TUT4: variants seen among roughly 807,000 people sequenced by gnomAD.
TUT4 encodes terminal uridylyl transferase 4.
In TUT4, 36 loss-of-function variants were observed where a neutral mutation model predicts 192.2. The ratio of observed to expected loss-of-function variants is 0.19; its 90% CI spans 0.14 to 0.25. The LOEUF is 0.25. Among genes scored for constraint, TUT4 ranks in the 10% least tolerant of loss-of-function variants. The pLI is 1.00. For missense variants in TUT4, 1,493 were observed against 1,957.2 expected (o/e 0.76, Z 4.47); for synonymous variants, 618 against 666.0 (o/e 0.93, Z 1.11).
rs145477444 is a variant in TUT4, at chr1:52,464,362, C to A, written c.3069+708G>T. Among the ~76,000 whole-genome samples the A allele has an allele frequency of 5.0e-3, 764 of 152,216 alleles. 8 individuals are homozygous for A. The highest frequency in any genetic ancestry group is 0.017 in the African/African-American group (707 of 41,532). ...CTCCGCCTCCTGGGTTCAAGCGATT[C>A]TCCTGCCTCAGCCTCCTGAGTAGCT... On this transcript the variant is annotated intron_variant, in intron 16 of 29. Coordinates refer to ENST00000257177, the MANE Select transcript of TUT4 (RefSeq NM_001009881.3).
intron 1 of TUT4, among the ~76,000 whole-genome samples, chr1:52,530,561 A>G (rs1324406870): frequency 6.6e-6 from 1 of 152,226 alleles, no homozygotes; most frequent in East Asian, 1.9e-4. Flanking sequence ...CTTTTCTTGT[A>G]AGAGTAGCCA....
chr1:52,481,775 G>A (rs1668533201), intron 10 of TUT4, 29 bp downstream of exon 10: 10 of 1,559,620 alleles, frequency 6.4e-6, no homozygotes, highest in Non-Finnish European at 8.6e-6. Flanking sequence ...ATATATATAT[G>A]CATATATATG....
chr1:52,431,233 G>T lies in TUT4; in HGVS notation c.4491C>A (p.His1497Gln), dbSNP rs1178264194. 1 of 1,614,212 alleles carries T rather than the reference G, an allele frequency of 6.2e-7. No individual in the cohort carries two copies. The highest frequency in any genetic ancestry group is 8.5e-7 in the Non-Finnish European group (1 of 1,180,042). ...AGGACGGGGCAGGGATCTGGAGAGG[G>T]TGCATTGGCAACAATCCCATATTGT... ...PMHNMGLLPM[H>Q]PLQIPAPSWP... The change falls in exon 28 of 30, where the codon CAC (histidine) becomes CAA (glutamine). Residue 1497 changes from histidine to glutamine, a missense_variant. Physicochemically the swap from His to Gln is conservative, Grantham distance 24. Around this residue, in one of 7 missense-constraint regions of TUT4, gnomAD observed 351 missense variants for 397.8 expected, o/e 0.88. Coordinates refer to ENST00000257177, the MANE Select transcript of TUT4 (RefSeq NM_001009881.3).
intron 13 of TUT4, among the ~76,000 whole-genome samples, chr1:52,472,577 AAATT>A (rs1213112773): frequency 6.6e-6 from 1 of 150,794 alleles, no homozygotes; most frequent in Non-Finnish European, 1.5e-5. Flanking sequence ...ATTTATTATT[AAATT>A]ATTTAATATT....
chr1:52,436,952 T>C lies in TUT4; in HGVS notation c.3965A>G (p.Lys1322Arg), dbSNP rs879636613. 1 of 1,613,860 alleles carries C rather than the reference T, an allele frequency of 6.2e-7. No homozygotes were observed. The highest frequency in any genetic ancestry group is 8.5e-7 in the Non-Finnish European group (1 of 1,179,980). ...CCCTTCCTTCTCTTCTTCACTGTCT[T>C]TCTTCTTTAGTCTAAACAGTAAACT... Reference protein sequence around the residue: ...KSSLLFRLKKKDSEEEKEGNE... With the variant: ...KSSLLFRLKKRDSEEEKEGNE... Residue 1322 changes from lysine (K) to arginine (R), a missense_variant, in exon 26 of 30, where the codon AAA becomes AGA. Around this residue, in one of 7 missense-constraint regions of TUT4, gnomAD observed 141 missense variants for 382.7 expected, o/e 0.37. Coordinates refer to ENST00000257177, the MANE Select transcript of TUT4 (RefSeq NM_001009881.3).
At chr1:52,470,815 C>T (rs563592376) in intron 14 of TUT4, among the ~76,000 whole-genome samples, 76 of 152,118 alleles carry the variant, frequency 5.0e-4, no homozygotes, top group South Asian at 4.4e-3. Context: ...TTTATCTTAC[C>T]TGGACACTGG....
rs770708436 is a variant in TUT4, at chr1:52,490,786, A to G, written c.1334T>C (p.Val445Ala). The part of the protein sequence containing the change: ...ILKKNVLYVD[V>A]ESDFHAKVPV... ...AACTTTAGCGTGAAAATCAGATTCC[A>G]CATCTACATATAATACTAATAAGGA... Residue 445 changes from valine to alanine, a missense_variant, in exon 8 of 30, where the codon GTG (valine) becomes GCG (alanine). This residue lies in a region of TUT4 where 437 missense variants were observed against 577.6 expected (regional missense o/e 0.76). Transcript: ENST00000257177. The G allele has an allele frequency of 1.2e-6, 2 of 1,612,372 alleles. No individual in the cohort carries two copies. The highest frequency in any genetic ancestry group is 2.2e-5 in the South Asian group (2 of 90,708).
chr1:52,531,601 T>A (rs1683436807), intron 1 of TUT4, among the ~76,000 whole-genome samples: 1 of 152,216 alleles, frequency 6.6e-6, no homozygotes, highest in Non-Finnish European at 1.5e-5. Context: ...ATGGATTTTT[T>A]TAAAGTAATC....
Position 52,445,942 on chromosome 1 carries a change from A to G in TUT4, c.3739+15T>C, listed in dbSNP as rs1301434552. On this transcript the variant is annotated intron_variant, in intron 23 of 29. Transcript: ENST00000257177. ...AGAGTTTTAAAATCAGAGAATCTCTATATTTAAAACTTACTTTTTCTGGAA... is the reference window on the plus strand; with the variant it reads ...AGAGTTTTAAAATCAGAGAATCTCTGTATTTAAAACTTACTTTTTCTGGAA... The G allele has an allele frequency of 1.9e-6, 3 of 1,605,868 alleles. No individual in the cohort carries two copies. The highest frequency in any genetic ancestry group is 1.3e-5 in the African/African-American group (1 of 74,406).
At chr1:52,529,496 T>C (rs935621028) in intron 1 of TUT4, among the ~76,000 whole-genome samples, 1 of 152,202 alleles carries the variant, frequency 6.6e-6, no homozygotes, top group African/African-American at 2.4e-5. Flanking sequence ...ATGAGTTATA[T>C]TTCTAAAAGA....
At chr1:52,481,295 T>C (rs1668419168) in intron 11 of TUT4, 128 bp downstream of exon 11, 1 of 940,276 alleles carries the variant, frequency 1.1e-6, no homozygotes, top group Admixed American at 2.5e-5. Context: ...CCTCACTTTA[T>C]AGATGAGGAA....
intron 1 of TUT4, among the ~76,000 whole-genome samples, chr1:52,535,342 A>G (rs1341334118): frequency 1.3e-5 from 2 of 151,180 alleles, no homozygotes; most frequent in South Asian, 2.1e-4. Context: ...CTATCTTCCA[A>G]CTCTTCTATC....
At position 52,463,167 on chromosome 1, in the gene TUT4, T is replaced by C; in HGVS notation, c.3070-1398A>G. On this transcript the variant is annotated intron_variant, in intron 16 of 29. Transcript: ENST00000257177. Reference sequence around the variant, plus strand: ...TTCCCAGTAGGAATGGCACAGATTATATATAATATACAAACCCTTAGTGAT... The same window carrying C: ...TTCCCAGTAGGAATGGCACAGATTACATATAATATACAAACCCTTAGTGAT... 3 of 981,672 alleles carry C rather than the reference T, an allele frequency of 3.1e-6. No individual in the cohort carries two copies. The African/African-American group carries it at 5.2e-5, about 17-fold the overall frequency. The allele number at this position is 981,672 out of a possible 1,614,324, so 60.8% of individuals were successfully genotyped here.
In TUT4 at chr1:52,475,524, C is replaced by T; in HGVS notation, c.2035G>A (p.Val679Ile). ...RRIAIEDPFSVKRNVARSLNS... is the reference protein window; with the variant it reads ...RRIAIEDPFSIKRNVARSLNS... ...AAGCTCCGTGCAACATTCCTCTTGA[C>T]TGAAAATGGATCTAGCAAAAGAGAA... is the stretch of plus-strand genomic sequence containing the variant. The change falls in exon 13 of 30, where the codon GTC (valine) becomes ATC (isoleucine). Residue 679 changes from valine to isoleucine, a missense_variant. Physicochemically the swap from Val to Ile is conservative, Grantham distance 29. Transcript: ENST00000257177. 1 of 1,610,556 alleles carries T rather than the reference C, an allele frequency of 6.2e-7. No homozygotes were observed. Among genetic ancestry groups the T allele is most frequent in the Admixed American group, 1.7e-5 (1 of 59,558 alleles).
chr1:52,524,492 C>T (rs999217882), intron 2 of TUT4, among the ~76,000 whole-genome samples: 13 of 150,988 alleles, frequency 8.6e-5, no homozygotes, highest in Non-Finnish European at 1.5e-4. Flanking sequence ...CCACTGCACT[C>T]CAGCGTGGGT....
At chr1:52,485,522 T>G (rs1158754632) in intron 9 of TUT4, among the ~76,000 whole-genome samples, 1 of 152,172 alleles carries the variant, frequency 6.6e-6, no homozygotes, top group Non-Finnish European at 1.5e-5. Context: ...CTCTGCAATA[T>G]TCTTTATCTT....
At chr1:52,471,838 T>G in intron 14 of TUT4, 114 bp downstream of exon 14, 3 of 1,149,630 alleles carry the variant, frequency 2.6e-6, no homozygotes, top group Non-Finnish European at 3.6e-6. Flanking sequence ...TGGGTATCTA[T>G]TCAAAAACCT....
At chr1:52,428,637 A>AT (rs1650864789) in intron 28 of TUT4, among the ~76,000 whole-genome samples, 1 of 150,884 alleles carries the variant, frequency 6.6e-6, no homozygotes, top group African/African-American at 2.4e-5. Context: ...AAAAAAAAAA[A>AT]AAAAAAAAAA....
chr1:52,522,747 G>A (rs1187812180), intron 2 of TUT4, among the ~76,000 whole-genome samples: 1 of 151,924 alleles, frequency 6.6e-6, no homozygotes, highest in Non-Finnish European at 1.5e-5. Context: ...CCAACATGGC[G>A]AAACCCCATC....
Sources: gnomAD v4.1 joint callset for allele counts (sites outside exome capture counted in the v4.1 genomes callset) on GRCh38, gnomAD v4.1.1 for gene constraint, gnomAD v4.1.1 regional missense constraint, MANE v1.5 for transcripts, NCBI Gene and HGNC (gene_info 2026-07-23, HGNC 2026-07-21) for gene names.